The following WDR7 variants were observed in gnomAD, a reference collection of about 807,000 sequenced individuals.
The protein encoded by WDR7 is WD repeat domain 7.
A neutral mutation model predicts 169.4 loss-of-function variants in WDR7; 46 were observed. The observed-to-expected ratio is 0.27, with a 90% confidence interval of 0.21 to 0.35. The LOEUF (loss-of-function observed/expected upper bound fraction) is 0.35. Among genes scored for constraint, WDR7 ranks in the 10% least tolerant of loss-of-function variants. The probability of loss-of-function intolerance (pLI) is 1.00; values close to 1 mark genes in which losing one functional copy is unlikely to be tolerated. For missense variants in WDR7, 1,534 were observed against 1,859.3 expected (o/e 0.83, Z 3.22); for synonymous variants, 612 against 666.8 (o/e 0.92, Z 1.27).
At position 56,930,241 on chromosome 18, in the gene WDR7, A is replaced by G. The variant is rs576547382; in HGVS notation, c.3714-5547A>G. 6.8e-4 allele frequency among the ~76,000 whole-genome samples: 103 copies of G among 152,362 alleles called. 1 individual carries two copies. Among genetic ancestry groups the G allele is most frequent in the African/African-American group, 2.4e-3 (98 of 41,594 alleles). ...CAGATAAGCACCATACATTAGAAAG[A>G]TTCCTTTTGAACTACATAGAATGCG... On this transcript the variant is annotated intron_variant, in intron 22 of 27. Transcript: ENST00000254442.
At chr18:57,015,802 A>C (rs1028986994) in intron 26 of WDR7, among the ~76,000 whole-genome samples, 1 of 152,198 alleles carries the variant, frequency 6.6e-6, no homozygotes, top group African/African-American at 2.4e-5. Flanking sequence ...CACTGGGAAG[A>C]TGTGGGTATT....
chr18:56,914,343 C>T (rs8088171), intron 21 of WDR7, among the ~76,000 whole-genome samples: 127,138 of 152,246 alleles, frequency 0.84, 53,273 homozygotes, highest in East Asian at 0.98. Flanking sequence ...CCACTTGATA[C>T]ATTTGTTTAT....
At chr18:56,765,673 C>G (rs1419341404) in intron 16 of WDR7, among the ~76,000 whole-genome samples, 1 of 152,006 alleles carries the variant, frequency 6.6e-6, no homozygotes, top group Admixed American at 6.6e-5. Context: ...CATATTTACC[C>G]ACGTAGTTAC....
chr18:56,710,432 C>T (rs529242714), intron 12 of WDR7, among the ~76,000 whole-genome samples: 15 of 152,092 alleles, frequency 9.9e-5, no homozygotes, highest in African/African-American at 3.4e-4. Context: ...AAATATTTTC[C>T]GACTTATTTT....
chr18:56,995,073 C>T (rs944253550), intron 26 of WDR7, among the ~76,000 whole-genome samples: 6 of 152,124 alleles, frequency 3.9e-5, no homozygotes, highest in Admixed American at 6.5e-5. Context: ...AAAAAAACTT[C>T]CTTTTGAAAC....
At chr18:57,014,256 G>A (rs886141476) in intron 26 of WDR7, among the ~76,000 whole-genome samples, 5 of 150,520 alleles carry the variant, frequency 3.3e-5, no homozygotes, top group Admixed American at 2.0e-4. Context: ...AACCTTGGAG[G>A]CAGAGATTGC....
At chr18:56,906,749 C>T (rs557190273) in intron 21 of WDR7, among the ~76,000 whole-genome samples, 45 of 152,216 alleles carry the variant, frequency 3.0e-4, no homozygotes, top group African/African-American at 1.0e-3. Flanking sequence ...ACCATGTTGG[C>T]CAGGCTGGTC....
At chr18:56,697,609 G>A (rs971147775) in intron 12 of WDR7, among the ~76,000 whole-genome samples, 1 of 151,664 alleles carries the variant, frequency 6.6e-6, no homozygotes, top group Non-Finnish European at 1.5e-5. Flanking sequence ...AGATATTATT[G>A]TAATTACATT....
At chr18:56,882,323 G>A (rs1318414080) in intron 21 of WDR7, among the ~76,000 whole-genome samples, 2 of 152,206 alleles carry the variant, frequency 1.3e-5, no homozygotes, top group Non-Finnish European at 2.9e-5. Flanking sequence ...ACATGATTTG[G>A]TGTGGTGGCT....
intron 19 of WDR7, among the ~76,000 whole-genome samples, chr18:56,804,440 A>G (rs895154343): frequency 6.6e-6 from 1 of 152,220 alleles, no homozygotes; most frequent in Non-Finnish European, 1.5e-5. Context: ...AATTTATTTG[A>G]GAAACATAAA....
intron 26 of WDR7, among the ~76,000 whole-genome samples, chr18:56,973,444 A>C (rs937940575): frequency 6.6e-6 from 1 of 152,034 alleles, no homozygotes; most frequent in Non-Finnish European, 1.5e-5. Context: ...TTTTCTCTTC[A>C]ACACTAAAAA....
At chr18:56,721,546 G>A (rs1428788677) in intron 13 of WDR7, 1 of 152,198 alleles carries the variant, frequency 6.6e-6, no homozygotes, top group Non-Finnish European at 1.5e-5. Context: ...GATTTAGCCA[G>A]ATGAACCTCT....
At chr18:56,731,790 C>A (rs1158031473) in intron 14 of WDR7, among the ~76,000 whole-genome samples, 193 bp downstream of exon 14, 1 of 152,056 alleles carries the variant, frequency 6.6e-6, no homozygotes, top group Non-Finnish European at 1.5e-5. Context: ...GTATATTATT[C>A]TTACCATTCA....
intron 19 of WDR7, among the ~76,000 whole-genome samples, chr18:56,797,338 A>G (rs1246176576): frequency 6.6e-6 from 1 of 152,136 alleles, no homozygotes; most frequent in Non-Finnish European, 1.5e-5. Context: ...TTGGACCTGT[A>G]AAAAGGACAA....
intron 20 of WDR7, among the ~76,000 whole-genome samples, chr18:56,822,779 A>G (rs1374571549): frequency 1.3e-5 from 2 of 152,346 alleles, no homozygotes; most frequent in East Asian, 1.9e-4. Flanking sequence ...GGCTCTTAGT[A>G]ATTATAAATT....
intron 25 of WDR7, among the ~76,000 whole-genome samples, chr18:56,944,673 T>A (rs979353128): frequency 1.3e-5 from 2 of 152,242 alleles, no homozygotes; most frequent in Non-Finnish European, 2.9e-5. Context: ...CGATGTCATC[T>A]GTTTGAAAAC....
chr18:56,691,387 C>T (rs1164577167), intron 8 of WDR7, 26 bp downstream of exon 8: 1 of 1,560,252 alleles, frequency 6.4e-7, no homozygotes, highest in Admixed American at 2.3e-5. Flanking sequence ...TAAATTAGGA[C>T]AGTCATCAAA....
intron 19 of WDR7, among the ~76,000 whole-genome samples, chr18:56,810,412 T>C (rs1227677379): frequency 6.6e-6 from 1 of 152,082 alleles, no homozygotes; most frequent in Admixed American, 6.6e-5. Context: ...TTAAGAATAT[T>C]TTGCTGATCT....
At chr18:56,760,243 A>G (rs1379751598) in intron 16 of WDR7, among the ~76,000 whole-genome samples, 2 of 152,192 alleles carry the variant, frequency 1.3e-5, no homozygotes, top group Admixed American at 6.5e-5. Context: ...GGCAAGGATT[A>G]GAGTATTGCC....
Sources: gnomAD v4.1 joint callset for allele counts (sites outside exome capture counted in the v4.1 genomes callset) on GRCh38, gnomAD v4.1.1 for gene constraint, MANE v1.5 for transcripts, NCBI Gene and HGNC (gene_info 2026-07-23, HGNC 2026-07-21) for gene names.